DLG2: variants seen among roughly 807,000 people sequenced by gnomAD.
DLG2 encodes discs large MAGUK scaffold protein 2.
In DLG2, 45 loss-of-function variants were observed where a neutral mutation model predicts 132.5. The ratio of observed to expected loss-of-function variants is 0.34; its 90% CI spans 0.27 to 0.44. The LOEUF (loss-of-function observed/expected upper bound fraction) is 0.44, where lower values mean the gene tolerates loss of function less well. DLG2 is among the 20% of genes least tolerant of loss of function. The pLI is 1.00. For synonymous variants in DLG2, 424 were observed against 419.6 expected (o/e 1.01, Z -0.13); for missense variants, 1,045 against 1,196.9 (o/e 0.87, Z 1.87).
intron 11 of DLG2, among the ~76,000 whole-genome samples, chr11:84,010,877 C>A (rs552208033): frequency 1.3e-5 from 2 of 152,084 alleles, no homozygotes; most frequent in Non-Finnish European, 1.5e-5. Flanking sequence ...AATGTGTAAA[C>A]TGGGTATACA....
chr11:83,966,334 T>C (rs1000800649), intron 12 of DLG2, among the ~76,000 whole-genome samples: 11 of 152,130 alleles, frequency 7.2e-5, no homozygotes, highest in Non-Finnish European at 1.5e-4. Flanking sequence ...TGTCATTTAA[T>C]ATGAGTCTAT....
intron 4 of DLG2, among the ~76,000 whole-genome samples, chr11:85,176,125 T>C (rs1403988552): frequency 1.3e-5 from 2 of 152,196 alleles, no homozygotes; most frequent in African/African-American, 2.4e-5. Flanking sequence ...TTAAAATTCA[T>C]GTGGAACCAA....
At chr11:84,655,238 A>G (rs2099686800) in intron 6 of DLG2, among the ~76,000 whole-genome samples, 1 of 152,128 alleles carries the variant, frequency 6.6e-6, no homozygotes, top group Non-Finnish European at 1.5e-5. Context: ...TTCATTTCAT[A>G]TTTCACAAAA....
chr11:84,862,888 C>T (rs1447410059), intron 6 of DLG2, among the ~76,000 whole-genome samples: 4 of 149,794 alleles, frequency 2.7e-5, no homozygotes, highest in African/African-American at 7.4e-5. Flanking sequence ...GACGGGTTGA[C>T]AGGTGCAGCA....
At chr11:84,117,438 C>T (rs2093686990) in intron 9 of DLG2, among the ~76,000 whole-genome samples, 2 of 152,190 alleles carry the variant, frequency 1.3e-5, no homozygotes, top group African/African-American at 4.8e-5. Flanking sequence ...TTGGGTCTTT[C>T]AGCTTAAGTC....
At chr11:84,209,024 G>A (rs2096715538) in intron 8 of DLG2, among the ~76,000 whole-genome samples, 1 of 152,146 alleles carries the variant, frequency 6.6e-6, no homozygotes, top group Non-Finnish European at 1.5e-5. Context: ...AGATATATGT[G>A]TATACATAGG....
At chr11:84,236,094 T>G (rs2097172038) in intron 8 of DLG2, among the ~76,000 whole-genome samples, 1 of 151,988 alleles carries the variant, frequency 6.6e-6, no homozygotes. Flanking sequence ...TTAAGTAATT[T>G]CCTCAAGTTC....
chr11:85,450,879 C>A (rs1317195074), intron 3 of DLG2, among the ~76,000 whole-genome samples: 3 of 152,020 alleles, frequency 2.0e-5, no homozygotes, highest in East Asian at 1.9e-4. Flanking sequence ...TTTTCTGCCT[C>A]CTTTGCTTGC....
At chr11:83,941,715 C>G in intron 14 of DLG2, among the ~76,000 whole-genome samples, 1 of 152,120 alleles carries the variant, frequency 6.6e-6, no homozygotes, top group East Asian at 1.9e-4. Context: ...TTTAAATCAG[C>G]ATATGTGCTT....
chr11:84,830,496 T>C (rs540026989), intron 6 of DLG2, among the ~76,000 whole-genome samples: 7 of 151,570 alleles, frequency 4.6e-5, no homozygotes, highest in African/African-American at 1.7e-4. Flanking sequence ...TCTAAGTTTA[T>C]CTTCCAGCTG....
intron 7 of DLG2, among the ~76,000 whole-genome samples, chr11:84,409,388 G>A (rs192797001): frequency 1.3e-3 from 194 of 152,290 alleles, no homozygotes; most frequent in African/African-American, 4.5e-3. Context: ...GTGGCTCTTT[G>A]TTTGAAGGCT....
chr11:84,632,609 A>G (rs1029753462), intron 6 of DLG2, among the ~76,000 whole-genome samples: 4 of 152,176 alleles, frequency 2.6e-5, no homozygotes, highest in African/African-American at 7.2e-5. Context: ...AAGAGTTCCA[A>G]CTTCCACTAA....
At chr11:84,747,616 G>T (rs1342431987) in intron 6 of DLG2, among the ~76,000 whole-genome samples, 1 of 152,134 alleles carries the variant, frequency 6.6e-6, no homozygotes, top group Non-Finnish European at 1.5e-5. Context: ...GAAAATACTT[G>T]TCCTTGCACT....
At chr11:83,486,127 A>C (rs2093483480) in intron 21 of DLG2, 1 of 591,450 alleles carries the variant, frequency 1.7e-6, no homozygotes, top group Non-Finnish European at 3.0e-6. Context: ...TCCAAAAACA[A>C]GGTTGAGAAC....
At chr11:85,259,479 T>A (rs1326850382) in intron 4 of DLG2, among the ~76,000 whole-genome samples, 2 of 152,100 alleles carry the variant, frequency 1.3e-5, no homozygotes, top group African/African-American at 4.8e-5. Context: ...GTTGCCTTAC[T>A]TTAAGACTAA....
chr11:85,243,616 T>C (rs1011004322), intron 4 of DLG2, among the ~76,000 whole-genome samples: 1 of 151,958 alleles, frequency 6.6e-6, no homozygotes, highest in African/African-American at 2.4e-5. Flanking sequence ...CAGTTGGCCT[T>C]ACCAATGCAT....
chr11:83,859,902 C>A (rs1346498106), intron 16 of DLG2, among the ~76,000 whole-genome samples: 2 of 152,176 alleles, frequency 1.3e-5, no homozygotes, highest in Admixed American at 6.5e-5. Flanking sequence ...GCCACTCCAA[C>A]CATGACTAAA....
chr11:84,039,693 T>C (rs1285011976), intron 11 of DLG2, among the ~76,000 whole-genome samples: 2 of 86,916 alleles, frequency 2.3e-5, no homozygotes, highest in South Asian at 8.9e-4. Flanking sequence ...TGTGCATGTG[T>C]CTTTATAGCA....
At chr11:83,662,217 A>C (rs2153549564) in intron 18 of DLG2, among the ~76,000 whole-genome samples, 1 of 152,348 alleles carries the variant, frequency 6.6e-6, no homozygotes, top group Middle Eastern at 3.4e-3. Context: ...TGCTCAAAAC[A>C]GCTTTCACCC....
Sources: gnomAD v4.1 joint callset for allele counts (sites outside exome capture counted in the v4.1 genomes callset) on GRCh38, gnomAD v4.1.1 for gene constraint, MANE v1.5 for transcripts, NCBI Gene and HGNC (gene_info 2026-07-23, HGNC 2026-07-21) for gene names.